The following KCNK5 variants were observed in gnomAD, a reference collection of about 807,000 sequenced individuals.
The protein encoded by KCNK5 is potassium channel subfamily K member 5.
In KCNK5, 18 loss-of-function variants were observed where a neutral mutation model predicts 32.9. That is an observed-to-expected ratio of 0.55 (90% CI 0.38 to 0.81). The LOEUF (loss-of-function observed/expected upper bound fraction) is 0.81, where lower values mean the gene tolerates loss of function less well. Among genes scored for constraint, KCNK5 ranks in the 30% least tolerant of loss-of-function variants. KCNK5 has a pLI of 0.00. For synonymous variants in KCNK5, 276 were observed against 275.3 expected, an observed-to-expected ratio of 1.00 and a Z score of -0.03; for missense variants, 507 against 651.0, an observed-to-expected ratio of 0.78 and a Z score of 2.41.
chr6:39,215,830 A>G (rs1771423308), intron 1 of KCNK5, among the ~76,000 whole-genome samples: 1 of 152,194 alleles, frequency 6.6e-6, no homozygotes. Context: ...GGGTCCCCTG[A>G]CCACAAACCT....
chr6:39,197,199 A>G (rs1771046050), intron 1 of KCNK5, among the ~76,000 whole-genome samples: 1 of 150,470 alleles, frequency 6.6e-6, no homozygotes, highest in Non-Finnish European at 1.5e-5. Flanking sequence ...ATGGAAACAG[A>G]GGGAGACAAA....
At chr6:39,225,476 A>G (rs561015199) in intron 1 of KCNK5, among the ~76,000 whole-genome samples, 4 of 152,256 alleles carry the variant, frequency 2.6e-5, no homozygotes, top group East Asian at 3.9e-4. Flanking sequence ...ATCACTGCCC[A>G]CCAGAGGCAG....
At chr6:39,222,393 C>T (rs1287781135) in intron 1 of KCNK5, among the ~76,000 whole-genome samples, 1 of 152,202 alleles carries the variant, frequency 6.6e-6, no homozygotes, top group Non-Finnish European at 1.5e-5. Flanking sequence ...GTGAAGGGAT[C>T]AGCCCACAGA....
chr6:39,211,710 T>C (rs535784351), intron 1 of KCNK5, among the ~76,000 whole-genome samples: 2 of 152,314 alleles, frequency 1.3e-5, no homozygotes, highest in East Asian at 3.9e-4. Flanking sequence ...ATGCCTATAA[T>C]CCCAGCACTT....
chr6:39,213,504 A>G (rs1449797167), intron 1 of KCNK5, among the ~76,000 whole-genome samples: 2 of 152,174 alleles, frequency 1.3e-5, no homozygotes, highest in African/African-American at 4.8e-5. Context: ...CCACTTTGAG[A>G]AACACCAAAT....
intron 1 of KCNK5, among the ~76,000 whole-genome samples, chr6:39,206,459 A>G (rs1179819335): frequency 6.6e-6 from 1 of 152,130 alleles, no homozygotes; most frequent in Non-Finnish European, 1.5e-5. Context: ...TTCTAAAAAC[A>G]GTCCTTGGAG....
intron 1 of KCNK5, among the ~76,000 whole-genome samples, chr6:39,197,064 C>T (rs1207714880): frequency 6.6e-6 from 1 of 152,182 alleles, no homozygotes; most frequent in East Asian, 1.9e-4. Flanking sequence ...ATCTGGGGCT[C>T]AAGTCCTGTC....
intron 2 of KCNK5, among the ~76,000 whole-genome samples, chr6:39,195,358 T>C (rs545068067): frequency 5.9e-5 from 9 of 152,328 alleles, no homozygotes; most frequent in South Asian, 4.1e-4. Flanking sequence ...AAATCTGTGA[T>C]GGGAGGAGCC....
At chr6:39,192,836 C>G (rs1770964901) in intron 4 of KCNK5, among the ~76,000 whole-genome samples, 1 of 152,160 alleles carries the variant, frequency 6.6e-6, no homozygotes, top group South Asian at 2.1e-4. Context: ...TTTGCCCCCT[C>G]GACTAGATAC....
chr6:39,209,456 C>T (rs954352289), intron 1 of KCNK5, among the ~76,000 whole-genome samples: 4 of 152,116 alleles, frequency 2.6e-5, no homozygotes, highest in African/African-American at 9.7e-5. Flanking sequence ...AGAAACAGAG[C>T]CATTTTGTGC....
At chr6:39,208,501 G>A (rs142839993) in intron 1 of KCNK5, among the ~76,000 whole-genome samples, 2 of 152,292 alleles carry the variant, frequency 1.3e-5, no homozygotes, top group East Asian at 3.9e-4. Flanking sequence ...CTTCCTTATT[G>A]TCTGACTCTA....
chr6:39,212,585 C>A (rs532911985), intron 1 of KCNK5, among the ~76,000 whole-genome samples: 1 of 152,266 alleles, frequency 6.6e-6, no homozygotes, highest in South Asian at 2.1e-4. Flanking sequence ...AAGTCTTGGG[C>A]CCCCACGGGA....
chr6:39,228,830 G>A (rs1330270173), intron 1 of KCNK5, 96 bp downstream of exon 1: 13 of 1,245,104 alleles, frequency 1.0e-5, no homozygotes, highest in Non-Finnish European at 1.4e-5. Flanking sequence ...CACAGGGACT[G>A]AGGGTCACCC....
At chr6:39,222,252 G>T (rs1016563258) in intron 1 of KCNK5, among the ~76,000 whole-genome samples, 2 of 152,200 alleles carry the variant, frequency 1.3e-5, no homozygotes, top group African/African-American at 2.4e-5. Context: ...AGTAGGAAAA[G>T]AACTAGAGTG....
intron 1 of KCNK5, among the ~76,000 whole-genome samples, chr6:39,207,124 C>A (rs953502561): frequency 1.3e-5 from 2 of 152,168 alleles, no homozygotes; most frequent in Non-Finnish European, 1.5e-5. Context: ...TTTGCAGGTG[C>A]CTTCCTGCAG....
At chr6:39,203,670 T>A (rs998275457) in intron 1 of KCNK5, among the ~76,000 whole-genome samples, 5 of 151,934 alleles carry the variant, frequency 3.3e-5, no homozygotes, top group African/African-American at 7.2e-5. Flanking sequence ...AGCAAGACAA[T>A]GGGCAGTGGC....
At position 39,191,576 on chromosome 6, in the gene KCNK5, G is replaced by A. The variant is rs746891042; in HGVS notation, c.814C>T (p.His272Tyr). 4 of 1,614,010 alleles carry A rather than the reference G, an allele frequency of 2.5e-6. No homozygotes were observed. The highest frequency in any genetic ancestry group is 2.5e-6 in the Non-Finnish European group (3 of 1,180,030). ...TTCACCTGCAGGGCCTTCCGGGAGT[G>A]TGGGGAGCTCTCAAAGGACTCCTTC... ...RRKESFESSP[H>Y]SRKALQVKGS... Residue 272 changes from histidine to tyrosine, a missense_variant, in exon 5 of 5, where the codon CAC becomes TAC. By Grantham distance (83) the His-to-Tyr change is moderately conservative (BLOSUM62 2). This residue lies in a region of KCNK5 where 42 missense variants were observed against 35.3 expected (regional missense o/e 1.19). Coordinates refer to ENST00000359534, the MANE Select transcript of KCNK5 (RefSeq NM_003740.4). This position sits in a 1 kb window ranked among gnomAD's most constrained non-coding sequence, Gnocchi z 5.8.
intron 1 of KCNK5, among the ~76,000 whole-genome samples, chr6:39,206,845 C>CA (rs150145202): frequency 0.018 from 2,690 of 152,200 alleles, 78 homozygotes; most frequent in African/African-American, 0.06. Flanking sequence ...GCGTCGATTA[C>CA]AAAAAAATGA....
chr6:39,225,163 T>A (rs1047389776), intron 1 of KCNK5, among the ~76,000 whole-genome samples: 2 of 152,156 alleles, frequency 1.3e-5, no homozygotes, highest in Non-Finnish European at 2.9e-5. Flanking sequence ...GGTTTATGTA[T>A]CCTTTTCTCC....
Sources: gnomAD v4.1 joint callset for allele counts (sites outside exome capture counted in the v4.1 genomes callset) on GRCh38, gnomAD v4.1.1 for gene constraint, gnomAD v4.1.1 regional missense constraint, Gnocchi (gnomAD v3.1) non-coding constraint, MANE v1.5 for transcripts, NCBI Gene and HGNC (gene_info 2026-07-23, HGNC 2026-07-21) for gene names.